Variants in TRPM1 observed in about 807,000 individuals in gnomAD.
The protein encoded by TRPM1 is TRPM1-203 APA Isoform, Intron 10.
A neutral mutation model predicts 149.4 loss-of-function variants in TRPM1; 113 were observed. The observed-to-expected ratio is 0.76, with a 90% CI of 0.65 to 0.88. TRPM1 has a LOEUF of 0.88. TRPM1 is among the 40% of genes least tolerant of loss of function. The probability of loss-of-function intolerance (pLI) is 0.00; values close to 1 mark genes in which losing one functional copy is unlikely to be tolerated. For missense variants in TRPM1, 1,976 were observed against 2,038.7 expected (o/e 0.97, Z 0.59); for synonymous variants, 741 against 759.5 (o/e 0.98, Z 0.40).
rs71420541 is a variant in TRPM1, at chr15:31,005,104, AAAAT to A, written c.3630-2038_3630-2035del. Among the ~76,000 whole-genome samples, 1,055 of 142,838 alleles carry A rather than the reference AAAAT, an allele frequency of 7.4e-3. 6 individuals carry two copies. Among genetic ancestry groups the A allele is most frequent in the Middle Eastern group, 0.021 (6 of 288 alleles). 93.7% of individuals were successfully genotyped at this position (142,838 alleles called of 152,430 possible). A position where few individuals can be genotyped will look rare whatever the true frequency, so the allele number is the denominator to read the frequency against. On this transcript the variant is annotated intron_variant, in intron 27 of 27. Transcript: ENST00000256552. ...ATGACAGAGCGAGACTCCATCTCAA[AAAAT>A]AAATAAATAAATAAATAAATAAATA...
intron 27 of TRPM1, among the ~76,000 whole-genome samples, chr15:31,021,180 T>C (rs979057976): frequency 6.6e-6 from 1 of 152,172 alleles, no homozygotes; most frequent in Admixed American, 6.5e-5. Context: ...CCCAAATGTC[T>C]TCCCCATCAC....
intron 1 of TRPM1, among the ~76,000 whole-genome samples, chr15:31,088,506 G>A (rs530162509): frequency 2.4e-4 from 37 of 152,264 alleles, no homozygotes; most frequent in African/African-American, 7.2e-4. Context: ...CTGGAAAGAC[G>A]AGCAACTCTG....
chr15:31,103,084 G>T (rs1462966071), upstream of TRPM1, among the ~76,000 whole-genome samples: 1 of 152,228 alleles, frequency 6.6e-6, no homozygotes, highest in Non-Finnish European at 1.5e-5. Flanking sequence ...CTGATGGCCG[G>T]CACTGCCATG....
At chr15:31,089,458 C>T (rs1049804176) in intron 1 of TRPM1, among the ~76,000 whole-genome samples, 9 of 152,238 alleles carry the variant, frequency 5.9e-5, no homozygotes, top group Non-Finnish European at 8.8e-5. Flanking sequence ...TGACCATGGC[C>T]TGCTGACCTT....
chr15:31,005,826 T>C (rs540179208), intron 27 of TRPM1, among the ~76,000 whole-genome samples: 4 of 152,334 alleles, frequency 2.6e-5, no homozygotes, highest in African/African-American at 7.2e-5. Flanking sequence ...CCCATAATTA[T>C]TTAAAACATG....
At position 31,001,763 on chromosome 15, in the gene TRPM1, A is replaced by G. The variant is rs2031769342; in HGVS notation, c.*59T>C. On this transcript the variant is annotated 3_prime_UTR_variant, in exon 28 of 28. Coordinates refer to ENST00000256552, the MANE Select transcript of TRPM1 (RefSeq NM_001252024.2). ...GAAATTGATGATGTTTAGATGGCCA[A>G]GATGACACCCATTAGTGGTTCTGAC... 4.5e-6 allele frequency: 7 copies of G among 1,559,506 alleles called. No homozygotes were observed. Among genetic ancestry groups the G allele is most frequent in the Non-Finnish European group, 6.1e-6 (7 of 1,155,764 alleles).
rs915603269 is a variant in TRPM1, at chr15:31,026,175, G to T, written c.3593C>A (p.Ser1198Ter). The T allele has an allele frequency of 6.2e-6, 10 of 1,612,134 alleles. No individual in the cohort carries two copies. The highest frequency in any genetic ancestry group is 8.5e-6 in the Non-Finnish European group (10 of 1,180,038). Reference protein sequence around the residue: ...HFREKEDEQQSSSDERIRVTS... With the variant: ...HFREKEDEQQ ...GACCCGGATGCGCTCGTCGCTGGAC[G>T]ACTGCTGCTCATCCTCCTTCTCCCG... Residue 1198 changes from serine to a stop codon, truncating the protein, a stop_gained, in exon 27 of 28, where the codon TCG (serine) becomes TAG (stop). Coordinates refer to ENST00000256552, the MANE Select transcript of TRPM1 (RefSeq NM_001252024.2). LOFTEE classifies it low-confidence loss of function (END_TRUNC).
upstream of TRPM1, among the ~76,000 whole-genome samples, chr15:31,104,324 AC>A (rs1010827491): frequency 6.6e-5 from 10 of 152,150 alleles, no homozygotes; most frequent in African/African-American, 2.4e-4. Flanking sequence ...AGCAGGGGAC[AC>A]CCCAGGTGGA....
chr15:31,054,251 C>T (rs888076107), intron 11 of TRPM1, among the ~76,000 whole-genome samples: 3 of 151,540 alleles, frequency 2.0e-5, no homozygotes, highest in Admixed American at 6.6e-5. Flanking sequence ...ATATATCAAA[C>T]GTCTCTCTTT....
chr15:31,047,764 A>G, intron 14 of TRPM1, 125 bp downstream of exon 14: 3 of 843,728 alleles, frequency 3.6e-6, no homozygotes, highest in Non-Finnish European at 6.1e-6. Context: ...ACTCTTTACG[A>G]AAGAAGGAAT....
At chr15:31,080,388 T>C (rs75571040) in intron 2 of TRPM1, among the ~76,000 whole-genome samples, 1,751 of 152,244 alleles carry the variant, frequency 0.012, 35 homozygotes, top group African/African-American at 0.04. Context: ...AAATATTTAT[T>C]ATGAGGCTCT....
At chr15:31,104,386 C>T (rs1390201662), upstream of TRPM1, among the ~76,000 whole-genome samples, 1 of 152,152 alleles carries the variant, frequency 6.6e-6, no homozygotes, top group African/African-American at 2.4e-5. Context: ...TATTGTTTCT[C>T]ATGCTCCTTT....
At chr15:31,068,151 G>T in intron 4 of TRPM1, 59 bp from the exon 5 acceptor site, 1 of 1,463,650 alleles carries the variant, frequency 6.8e-7, no homozygotes, top group Non-Finnish European at 9.6e-7. Flanking sequence ...CGTGTCAAAG[G>T]GGAGTGAGGC....
intron 1 of TRPM1, among the ~76,000 whole-genome samples, chr15:31,118,304 T>A (rs2035830553): frequency 6.6e-6 from 1 of 151,952 alleles, no homozygotes; most frequent in South Asian, 2.1e-4. Context: ...GTATCGTACA[T>A]GTAATATAAA....
intron 27 of TRPM1, among the ~76,000 whole-genome samples, chr15:31,009,553 T>C (rs1282417233): frequency 1.3e-5 from 2 of 152,182 alleles, no homozygotes; most frequent in African/African-American, 4.8e-5. Context: ...TATTTAGCAT[T>C]CTCTACATTT....
intron 16 of TRPM1, among the ~76,000 whole-genome samples, chr15:31,044,313 C>T (rs73372410): frequency 0.019 from 2,931 of 151,930 alleles, 93 homozygotes; most frequent in African/African-American, 0.068. Context: ...TTAGCACGAA[C>T]AATGCAATAA....
chr15:31,086,183 A>C (rs2034994750), intron 1 of TRPM1, among the ~76,000 whole-genome samples: 1 of 152,154 alleles, frequency 6.6e-6, no homozygotes, highest in Non-Finnish European at 1.5e-5. Context: ...ACTGGGGAAC[A>C]CCTGGGGGCT....
chr15:31,134,082 G>A (rs776177197), intron 1 of TRPM1, among the ~76,000 whole-genome samples: 3 of 152,302 alleles, frequency 2.0e-5, no homozygotes, highest in Admixed American at 1.3e-4. Context: ...GGAAGCCGCC[G>A]GAGGCCCGTG....
At chr15:31,131,230 G>T (rs1298682117) in intron 1 of TRPM1, among the ~76,000 whole-genome samples, 1 of 152,212 alleles carries the variant, frequency 6.6e-6, no homozygotes, top group Non-Finnish European at 1.5e-5. Context: ...GCAGCACAGT[G>T]CTTGTGTTCA....
Sources: allele counts gnomAD v4.1 joint callset (sites outside exome capture counted in the v4.1 genomes callset), GRCh38; gene constraint gnomAD v4.1.1; transcripts MANE v1.5; gene names NCBI Gene and HGNC (gene_info 2026-07-23, HGNC 2026-07-21).